Variants in MPRIP observed in about 807,000 individuals in gnomAD.
MPRIP encodes the protein myosin phosphatase Rho-interacting protein.
In MPRIP, 59 loss-of-function variants were observed where a neutral mutation model predicts 234.9. That is an observed-to-expected ratio of 0.25 (90% CI 0.20 to 0.31). MPRIP has a LOEUF of 0.31. Among genes scored for constraint, MPRIP ranks in the 10% least tolerant of loss-of-function variants. The probability of loss-of-function intolerance (pLI) is 1.00; values close to 1 mark genes in which losing one functional copy is unlikely to be tolerated. For missense variants in MPRIP, 2,436 were observed against 3,071.0 expected, an observed-to-expected ratio of 0.79 and a Z score of 4.89; for synonymous variants, 1,144 against 1,263.9, an observed-to-expected ratio of 0.91 and a Z score of 2.01.
rs59748753 is a variant in MPRIP, at chr17:17,096,288, GGTGTGTGTGTGTGTGTGT to G, written c.267+18249_267+18266del. ...CTTGGCAGGGTGTGTGTGTGTGCAG[GGTGTGTGTGTGTGTGTGT>G]GTGTGTGTGTGTGTGTGTGTGTGTG... On this transcript the variant is annotated intron_variant, in intron 3 of 23. Coordinates refer to ENST00000651222, the MANE Select transcript of MPRIP (RefSeq NM_001364716.4). Among the ~76,000 whole-genome samples, 1,065 of 136,578 alleles carry G rather than the reference GGTGTGTGTGTGTGTGTGT, an allele frequency of 7.8e-3. 20 individuals are homozygous for G. The highest frequency in any genetic ancestry group is 0.025 in the African/African-American group (886 of 35,554). 89.6% of individuals were successfully genotyped at this position (136,578 alleles called of 152,430 possible).
intron 3 of MPRIP, among the ~76,000 whole-genome samples, chr17:17,091,768 C>T (rs540707271): frequency 6.6e-6 from 1 of 152,264 alleles, no homozygotes; most frequent in South Asian, 2.1e-4. Flanking sequence ...CATGGACTTG[C>T]AGTGGGAGAG....
chr17:17,172,762 G>A lies in MPRIP; in HGVS notation c.6537G>A (p.Arg2179=), dbSNP rs1778482100. The A allele has an allele frequency of 1.2e-6, 2 of 1,612,346 alleles. No homozygotes were observed. Among genetic ancestry groups the A allele is most frequent in the Admixed American group, 1.7e-5 (1 of 60,012 alleles). ...EMERELEKSQ[R]SQISSVNSDV... ...AGCGGGAGCTGGAGAAGAGCCAGCG[G>A]TCCCAGATCAGCAGCGTCAACTCGG... Residue 2179 remains arginine (R), a synonymous_variant, in exon 18 of 24, where the codon CGG becomes CGA. Coordinates refer to ENST00000651222, the MANE Select transcript of MPRIP (RefSeq NM_001364716.4).
chr17:17,165,730 T>A lies in MPRIP; in HGVS notation c.4139T>A (p.Leu1380His). 2 of 1,304,836 alleles carry A rather than the reference T, an allele frequency of 1.5e-6. No individual in the cohort carries two copies. Among genetic ancestry groups the A allele is most frequent in the Non-Finnish European group, 2.0e-6 (2 of 988,968 alleles). The allele number at this position is 1,304,836 out of a possible 1,614,324, so 80.8% of individuals were successfully genotyped here. A position where few individuals can be genotyped will look rare whatever the true frequency, so the allele number is the denominator to read the frequency against. The change falls in exon 16 of 24, where the codon CTC (leucine) becomes CAC (histidine). Residue 1380 changes from leucine to histidine, a missense_variant. Leu to His is a moderately conservative substitution (Grantham distance 99). Transcript: ENST00000651222. ...GCAACTGGCGACTCTGACACGTACC[T>A]CTCCATCATCCACTCCCTGGAGACC... ...LPATGDSDTY[L>H]SIIHSLETKL...
intron 3 of MPRIP, among the ~76,000 whole-genome samples, chr17:17,124,332 G>A (rs769966088): frequency 9.9e-5 from 15 of 152,162 alleles, no homozygotes; most frequent in Non-Finnish European, 1.3e-4. Context: ...CCAGGGGGCC[G>A]GTGGATGATC....
chr17:17,071,958 G>A (rs1435860128), intron 1 of MPRIP, among the ~76,000 whole-genome samples: 1 of 152,154 alleles, frequency 6.6e-6, no homozygotes, highest in Non-Finnish European at 1.5e-5. Flanking sequence ...GCAAAGCTAA[G>A]CCTACCCACG....
chr17:17,084,279 C>T (rs566708483), intron 3 of MPRIP, among the ~76,000 whole-genome samples: 1 of 152,338 alleles, frequency 6.6e-6, no homozygotes, highest in South Asian at 2.1e-4. Flanking sequence ...AAATCCCTAG[C>T]AGAACCATGA....
In MPRIP at chr17:17,155,744, C is replaced by T. The variant is rs186343451; in HGVS notation, c.1829+1329C>T. On this transcript the variant is annotated intron_variant, in intron 13 of 23. Transcript: ENST00000651222. Reference sequence around the variant, plus strand: ...GACCGGGACAGGTTGCCCTCTGTCTCTCAGGATCCTATGCAGAGAGCTGGC... The same window carrying T: ...GACCGGGACAGGTTGCCCTCTGTCTTTCAGGATCCTATGCAGAGAGCTGGC... 8.4e-4 allele frequency among the ~76,000 whole-genome samples: 128 copies of T among 152,376 alleles called. 1 individual carries two copies. The highest frequency in any genetic ancestry group is 3.0e-3 in the African/African-American group (126 of 41,592).
intron 1 of MPRIP, among the ~76,000 whole-genome samples, chr17:17,065,381 A>ATTTTTT (rs59705934): frequency 8.9e-6 from 1 of 111,810 alleles, no homozygotes; most frequent in Non-Finnish European, 1.9e-5. Flanking sequence ...GCTTGAGATG[A>ATTTTTT]TTTTTTTTTT....
chr17:17,103,989 T>G (rs1325187399), intron 3 of MPRIP, among the ~76,000 whole-genome samples: 2 of 151,988 alleles, frequency 1.3e-5, no homozygotes, highest in Non-Finnish European at 1.5e-5. Flanking sequence ...AGGAACTCTG[T>G]GTGTCCCTGG....
In MPRIP at chr17:17,138,242, G is replaced by A. The variant is rs932262829; in HGVS notation, c.1063G>A (p.Glu355Lys). Residue 355 changes from glutamate (E) to lysine (K), a missense_variant, in exon 7 of 24, where the codon GAG becomes AAG. Physicochemically the swap from Glu to Lys is moderately conservative, Grantham distance 56. Transcript: ENST00000651222. This position sits in a 1 kb window ranked among gnomAD's most constrained non-coding sequence, Gnocchi z 5.8. ...TGGCAGCACTAGGGGGCGGGGGACA[G>A]AGAGACTGGGGAGCGCCTTTGCCTT... ...DSGSTRGRGT[E>K]RLGSAFAFKA... 5.0e-6 allele frequency: 3 copies of A among 597,648 alleles called. No homozygotes were observed. The highest frequency in any genetic ancestry group is 1.9e-5 in the African/African-American group (1 of 51,820). 37.0% of individuals were successfully genotyped at this position (597,648 alleles called of 1,614,324 possible).
intron 12 of MPRIP, among the ~76,000 whole-genome samples, chr17:17,153,944 C>T (rs2045667074): frequency 6.6e-6 from 1 of 152,192 alleles, no homozygotes; most frequent in African/African-American, 2.4e-5. Flanking sequence ...TCAGCACATG[C>T]TGATTCTGCC....
Position 17,164,234 on chromosome 17 carries a change from G to A in MPRIP, c.2643G>A (p.Leu881=). 4 of 1,304,352 alleles carry A rather than the reference G, an allele frequency of 3.1e-6. No homozygotes were observed. Among genetic ancestry groups the A allele is most frequent in the Non-Finnish European group, 4.0e-6 (4 of 988,996 alleles). The allele number at this position is 1,304,352 out of a possible 1,614,324, so 80.8% of individuals were successfully genotyped here. The change falls in exon 16 of 24, where the codon CTG becomes CTA. Residue 881 remains leucine (L), a synonymous_variant. Transcript: ENST00000651222. The part of the protein sequence containing the change: ...QELITHQIQT[L]KRSYGEAKDT... ...TGATTACACACCAGATTCAGACCCTGAAGCGTAGCTATGGGGAGGCCAAGG... is the reference window on the plus strand; with the variant it reads ...TGATTACACACCAGATTCAGACCCTAAAGCGTAGCTATGGGGAGGCCAAGG...
intron 3 of MPRIP, among the ~76,000 whole-genome samples, chr17:17,116,417 G>A (rs1443874795): frequency 6.6e-6 from 1 of 152,226 alleles, no homozygotes; most frequent in Non-Finnish European, 1.5e-5. Flanking sequence ...TGGGGCAATT[G>A]GTGCAGGGAG....
At position 17,167,258 on chromosome 17, in the gene MPRIP, G is replaced by T; in HGVS notation, c.5667G>T (p.Glu1889Asp). Residue 1889 changes from glutamate to aspartate, a missense_variant, in exon 16 of 24, where the codon GAG becomes GAT. By Grantham distance (45) the Glu-to-Asp change is conservative (BLOSUM62 2). This residue lies in a region of MPRIP where 1,998 missense variants were observed against 2,520.3 expected (regional missense o/e 0.79). Coordinates refer to ENST00000651222, the MANE Select transcript of MPRIP (RefSeq NM_001364716.4). The surrounding 1 kb of genome is among the most constrained non-coding windows in gnomAD (Gnocchi z 5.9). ...CACAGGCAGCCCGGGCCCTGAGGGAGGAGTATGAGGAGCTTCTCCGCAAGC... is the reference window on the plus strand; with the variant it reads ...CACAGGCAGCCCGGGCCCTGAGGGATGAGTATGAGGAGCTTCTCCGCAAGC... ...EQAQAARALR[E>D]EYEELLRKQK... 1.5e-6 allele frequency: 2 copies of T among 1,304,000 alleles called. No homozygotes were observed. Among genetic ancestry groups the T allele is most frequent in the Non-Finnish European group, 2.0e-6 (2 of 988,948 alleles). 80.8% of individuals were successfully genotyped at this position (1,304,000 alleles called of 1,614,324 possible). A position where few individuals can be genotyped will look rare whatever the true frequency, so the allele number is the denominator to read the frequency against.
intron 4 of MPRIP, among the ~76,000 whole-genome samples, chr17:17,127,917 C>T (rs576486963): frequency 3.3e-5 from 5 of 152,174 alleles, no homozygotes; most frequent in Non-Finnish European, 4.4e-5. Context: ...GTCCCGGGGG[C>T]GCTCTCTGCG....
intron 3 of MPRIP, among the ~76,000 whole-genome samples, chr17:17,112,475 G>A (rs2090192004): frequency 6.6e-6 from 1 of 152,242 alleles, no homozygotes; most frequent in East Asian, 1.9e-4. Context: ...ATGCCATGGA[G>A]TTAAAGGATT....
chr17:17,112,778 C>T (rs1414665769), intron 3 of MPRIP, among the ~76,000 whole-genome samples: 1 of 152,156 alleles, frequency 6.6e-6, no homozygotes, highest in African/African-American at 2.4e-5. Flanking sequence ...CAGCCGGTGG[C>T]GTTGAGGGGG....
rs187805334 is a variant in MPRIP at position 17,086,571 on chromosome 17, G to A, written c.267+8495G>A. Among the ~76,000 whole-genome samples, 612 of 152,294 alleles carry A rather than the reference G, an allele frequency of 4.0e-3. 7 individuals carry two copies. The highest frequency in any genetic ancestry group is 3.6e-3 in the Non-Finnish European group (244 of 68,026). ...CCCTGCTCGACTGAGCTTCCTGTAG[G>A]CCACTTTGCCTTAGAGCATCTGTGG... On this transcript the variant is annotated intron_variant, in intron 3 of 23. Transcript: ENST00000651222.
At chr17:17,123,781 A>G (rs2090440263) in intron 3 of MPRIP, among the ~76,000 whole-genome samples, 1 of 151,992 alleles carries the variant, frequency 6.6e-6, no homozygotes, top group Non-Finnish European at 1.5e-5. Flanking sequence ...TCATCTGATT[A>G]AGAGCAGGAA....
Sources: gnomAD v4.1 joint callset for allele counts (sites outside exome capture counted in the v4.1 genomes callset) on GRCh38, gnomAD v4.1.1 for gene constraint, gnomAD v4.1.1 regional missense constraint, Gnocchi (gnomAD v3.1) non-coding constraint, MANE v1.5 for transcripts, NCBI Gene and HGNC (gene_info 2026-07-23, HGNC 2026-07-21) for gene names.